SRGAP3: variants seen among roughly 807,000 people sequenced by gnomAD.
The protein encoded by SRGAP3 is SLIT-ROBO Rho GTPase activating protein 3.
In SRGAP3, 39 loss-of-function variants were observed where a neutral mutation model predicts 121.1. The ratio of observed to expected loss-of-function variants is 0.32; its 90% CI spans 0.25 to 0.42. The LOEUF (loss-of-function observed/expected upper bound fraction) is 0.42, where lower values mean the gene tolerates loss of function less well. Among genes scored for constraint, SRGAP3 ranks in the 10% least tolerant of loss-of-function variants. The pLI is 1.00. For missense variants in SRGAP3, 1,213 were observed against 1,470.6 expected (o/e 0.82, Z 2.86); for synonymous variants, 601 against 570.0 (o/e 1.05, Z -0.77).
chr3:9,273,769 G>A (rs1022849369), intron 3 of SRGAP3, among the ~76,000 whole-genome samples: 4 of 150,312 alleles, frequency 2.7e-5, no homozygotes, highest in African/African-American at 9.9e-5. Context: ...TGTATATAGT[G>A]TAAGGTAAGG....
chr3:9,323,391 G>C (rs1955467733), intron 3 of SRGAP3, among the ~76,000 whole-genome samples: 1 of 151,926 alleles, frequency 6.6e-6, no homozygotes, highest in Non-Finnish European at 1.5e-5. Flanking sequence ...AGTGAAATAA[G>C]AATCTTTATC....
At position 8,984,854 on chromosome 3, in the gene SRGAP3, T is replaced by G; in HGVS notation, c.*665A>C. The G allele has an allele frequency of 8.7e-6, 2 of 229,596 alleles. No homozygotes were observed. Among genetic ancestry groups the G allele is most frequent in the Middle Eastern group, 1.3e-3 (1 of 768 alleles). 14.2% of individuals were successfully genotyped at this position (229,596 alleles called of 1,614,324 possible). Reference sequence around the variant, plus strand: ...GGAAGGCCACGACTTCTGGAGACAGTGGGAGTCTGTTTTTGTTTGTGTTTT... The same window carrying G: ...GGAAGGCCACGACTTCTGGAGACAGGGGGAGTCTGTTTTTGTTTGTGTTTT... On this transcript the variant is annotated 3_prime_UTR_variant, in exon 22 of 22. Coordinates refer to ENST00000383836, the MANE Select transcript of SRGAP3 (RefSeq NM_014850.4).
intron 2 of SRGAP3, among the ~76,000 whole-genome samples, chr3:9,329,683 T>C (rs1487071634): frequency 6.6e-6 from 1 of 152,118 alleles, no homozygotes; most frequent in Non-Finnish European, 1.5e-5. Context: ...GCAAGACCCA[T>C]TCGTTTCAGC....
intron 1 of SRGAP3, among the ~76,000 whole-genome samples, chr3:9,137,860 A>C (rs933880509): frequency 6.6e-6 from 1 of 152,238 alleles, no homozygotes. Flanking sequence ...GTTCAGTGAA[A>C]TGCAAAGAAC....
chr3:9,225,914 G>T (rs1177221284), intron 1 of SRGAP3, among the ~76,000 whole-genome samples: 1 of 65,530 alleles, frequency 1.5e-5, no homozygotes, highest in Non-Finnish European at 4.0e-5. Context: ...AAAAGCTGCT[G>T]GGAAGTCCAT....
chr3:9,351,143 C>G (rs148151492), intron 1 of SRGAP3, among the ~76,000 whole-genome samples: 1 of 152,122 alleles, frequency 6.6e-6, no homozygotes, highest in Non-Finnish European at 1.5e-5. Context: ...TTGGAATTAG[C>G]CAGTGACACA....
intron 10 of SRGAP3, among the ~76,000 whole-genome samples, chr3:9,044,822 A>T (rs549736681): frequency 5.9e-5 from 9 of 152,214 alleles, no homozygotes; most frequent in African/African-American, 2.2e-4. Flanking sequence ...GGCCTGCTGA[A>T]TTTTTTCCCT....
rs148801566 is a variant in SRGAP3 at position 9,166,401 on chromosome 3, T to C, written c.68-41484A>G. On this transcript the variant is annotated intron_variant, in intron 1 of 21. Coordinates refer to ENST00000383836, the MANE Select transcript of SRGAP3 (RefSeq NM_014850.4). The stretch of plus-strand genomic sequence containing the variant: ...TGGTTATCCTCTTTGTTCACAAAGA[T>C]AGAATTTTAGCTGGGCTCACCACTG... 8.6e-3 allele frequency among the ~76,000 whole-genome samples: 1,313 copies of C among 152,290 alleles called. 7 individuals are homozygous for C. The highest frequency in any genetic ancestry group is 0.014 in the Non-Finnish European group (953 of 68,010).
intron 14 of SRGAP3, among the ~76,000 whole-genome samples, chr3:9,024,320 C>T (rs950070288): frequency 2.6e-5 from 4 of 152,162 alleles, no homozygotes; most frequent in Non-Finnish European, 5.9e-5. Context: ...GATATTCCAA[C>T]TCTTCTTTCC....
chr3:9,180,397 T>G (rs1951341972), intron 1 of SRGAP3, among the ~76,000 whole-genome samples: 1 of 152,174 alleles, frequency 6.6e-6, no homozygotes. Context: ...GAAGTTATTC[T>G]CAGCCTGTGT....
intron 1 of SRGAP3, among the ~76,000 whole-genome samples, chr3:9,244,844 T>C (rs1328907323): frequency 6.6e-6 from 1 of 152,150 alleles, no homozygotes; most frequent in Non-Finnish European, 1.5e-5. Context: ...CAAGAACAAG[T>C]CATGTTAAAT....
At chr3:9,279,117 A>AG (rs1167954952) in intron 3 of SRGAP3, among the ~76,000 whole-genome samples, 4 of 152,196 alleles carry the variant, frequency 2.6e-5, no homozygotes, top group East Asian at 1.9e-4. Context: ...GGAAAAAAAA[A>AG]GGGGGGGATA....
chr3:9,071,116 A>T (rs1015776161), intron 4 of SRGAP3, among the ~76,000 whole-genome samples: 8 of 152,088 alleles, frequency 5.3e-5, no homozygotes, highest in Non-Finnish European at 1.2e-4. Context: ...GGAGCAGCTG[A>T]AAGGTGGAAG....
chr3:9,158,294 T>A (rs977638927), intron 1 of SRGAP3, among the ~76,000 whole-genome samples: 1 of 151,970 alleles, frequency 6.6e-6, no homozygotes, highest in African/African-American at 2.4e-5. Flanking sequence ...AGATTGGAGG[T>A]CTTATTAGCC....
intron 15 of SRGAP3, chr3:9,014,164 G>A (rs1320766540): frequency 2.4e-6 from 1 of 424,840 alleles, no homozygotes; most frequent in Non-Finnish European, 4.4e-6. Flanking sequence ...CTGAGAGGAG[G>A]ATCCCACCTA....
At chr3:8,988,425 G>A (rs965449879) in intron 21 of SRGAP3, among the ~76,000 whole-genome samples, 2 of 152,154 alleles carry the variant, frequency 1.3e-5, no homozygotes, top group Non-Finnish European at 2.9e-5. Context: ...GTGGCAGTGG[G>A]TTACTTACAT....
intron 3 of SRGAP3, among the ~76,000 whole-genome samples, chr3:9,296,418 T>C (rs1205883231): frequency 1.3e-5 from 2 of 152,266 alleles, no homozygotes; most frequent in Non-Finnish European, 2.9e-5. Context: ...CATGTGCTTA[T>C]TGGCCATTTA....
intron 3 of SRGAP3, among the ~76,000 whole-genome samples, chr3:9,289,164 G>A (rs536481530): frequency 4.6e-5 from 7 of 152,348 alleles, no homozygotes; most frequent in Admixed American, 2.6e-4. Flanking sequence ...CTCCCAAAGC[G>A]CTGGGATTAC....
rs1467096129 is a variant in SRGAP3 at position 8,984,419 on chromosome 3, T to C, written c.*1100A>G. The C allele has an allele frequency of 8.6e-6, 2 of 231,306 alleles. No individual in the cohort carries two copies. Among genetic ancestry groups the C allele is most frequent in the African/African-American group, 2.2e-5 (1 of 45,246 alleles). The allele number at this position is 231,306 out of a possible 1,614,324, so 14.3% of individuals were successfully genotyped here. ...GTTTAGTTCCAAATCTGACACAGTA[T>C]AATTAGTAGAACCAGGAAAAGAAAA... On this transcript the variant is annotated 3_prime_UTR_variant, in exon 22 of 22. Coordinates refer to ENST00000383836, the MANE Select transcript of SRGAP3 (RefSeq NM_014850.4).
Sources: allele counts gnomAD v4.1 joint callset (sites outside exome capture counted in the v4.1 genomes callset), GRCh38; gene constraint gnomAD v4.1.1; transcripts MANE v1.5; gene names NCBI Gene and HGNC (gene_info 2026-07-23, HGNC 2026-07-21).